The following BCKDHB variants were observed in gnomAD, a reference collection of about 807,000 sequenced individuals.
BCKDHB encodes 2-oxoisovalerate dehydrogenase subunit beta, mitochondrial.
In BCKDHB, 41 loss-of-function variants were observed where a neutral mutation model predicts 48.5. That is an observed-to-expected ratio of 0.85 (90% CI 0.66 to 1.10). The LOEUF is 1.10. Ranked by LOEUF, BCKDHB falls within the 50% of genes least tolerant of loss-of-function variation. The probability of loss-of-function intolerance (pLI) is 0.00; values close to 1 mark genes in which losing one functional copy is unlikely to be tolerated. For missense variants in BCKDHB, 496 were observed against 494.2 expected (o/e 1.00, Z -0.03); for synonymous variants, 201 against 174.8 (o/e 1.15, Z -1.18).
the BCKDHB span, among the ~76,000 whole-genome samples, chr6:80,394,067 C>T: frequency 6.6e-6 from 1 of 151,992 alleles, no homozygotes; most frequent in Non-Finnish European, 1.5e-5. Flanking sequence ...TTGAGAAATC[C>T]TCTATTCATT....
the BCKDHB span, chr6:80,356,942 C>T: frequency 1.8e-5 from 1 of 54,454 alleles, no homozygotes; most frequent in Non-Finnish European, 4.1e-5. Flanking sequence ...TCTCCCCCGC[C>T]CCCGCCCCCG....
the BCKDHB span, among the ~76,000 whole-genome samples, chr6:80,449,858 G>A: frequency 6.6e-6 from 1 of 152,074 alleles, no homozygotes; most frequent in Non-Finnish European, 1.5e-5. Flanking sequence ...AGTTCATATT[G>A]AAATATTTAA....
chr6:80,339,894 A>G (rs961115200), intron 9 of BCKDHB, among the ~76,000 whole-genome samples: 1 of 152,166 alleles, frequency 6.6e-6, no homozygotes, highest in Admixed American at 6.6e-5. Flanking sequence ...TAAAATTTGC[A>G]GAAGAGTGAC....
At chr6:80,412,664 C>T in the BCKDHB span, among the ~76,000 whole-genome samples, 1 of 152,258 alleles carries the variant, frequency 6.6e-6, no homozygotes, top group East Asian at 1.9e-4. Context: ...TGTTCTTTAG[C>T]TTTAACTTGA....
At chr6:80,347,014 A>G (rs1256213592), downstream of BCKDHB, among the ~76,000 whole-genome samples, 1 of 149,696 alleles carries the variant, frequency 6.7e-6, no homozygotes. Flanking sequence ...AAAAAAAAAA[A>G]GAACACTTTT....
At chr6:80,244,462 G>GA (rs1248213706) in intron 8 of BCKDHB, among the ~76,000 whole-genome samples, 1 of 152,012 alleles carries the variant, frequency 6.6e-6, no homozygotes, top group African/African-American at 2.4e-5. Flanking sequence ...TTAATTATAA[G>GA]AAAAAAATAA....
the BCKDHB span, among the ~76,000 whole-genome samples, chr6:80,410,149 C>CA: frequency 1.1e-4 from 17 of 152,222 alleles, no homozygotes; most frequent in South Asian, 3.5e-3. Flanking sequence ...CTGGTGGTGA[C>CA]AAAATCTCTC....
At chr6:80,228,255 A>T (rs1229320829) in intron 8 of BCKDHB, among the ~76,000 whole-genome samples, 2 of 152,086 alleles carry the variant, frequency 1.3e-5, no homozygotes, top group African/African-American at 2.4e-5. Context: ...GATTTCTGGG[A>T]TTTCTTAGAA....
At chr6:80,156,776 CA>C (rs1582251243) in intron 3 of BCKDHB, among the ~76,000 whole-genome samples, 1 of 152,162 alleles carries the variant, frequency 6.6e-6, no homozygotes, top group East Asian at 1.9e-4. Flanking sequence ...AAAGTAAAAA[CA>C]AAAACAGAAA....
chr6:80,232,093 A>G (rs1330051124), intron 8 of BCKDHB, among the ~76,000 whole-genome samples: 1 of 152,208 alleles, frequency 6.6e-6, no homozygotes, highest in African/African-American at 2.4e-5. Flanking sequence ...CTTTTGGTGT[A>G]GGTTATAATA....
chr6:80,331,679 G>A (rs1430748308), intron 9 of BCKDHB, among the ~76,000 whole-genome samples: 1 of 152,190 alleles, frequency 6.6e-6, no homozygotes, highest in Non-Finnish European at 1.5e-5. Context: ...TCACAGCGCA[G>A]GTTGATGTGT....
At chr6:80,315,535 GCTCT>G (rs1768400343) in intron 9 of BCKDHB, among the ~76,000 whole-genome samples, 1 of 151,608 alleles carries the variant, frequency 6.6e-6, no homozygotes, top group African/African-American at 2.4e-5. Context: ...CCCTTTTGTT[GCTCT>G]CTGTGAGTGC....
chr6:80,296,991 T>G (rs992430299), intron 9 of BCKDHB, among the ~76,000 whole-genome samples: 1 of 152,242 alleles, frequency 6.6e-6, no homozygotes, highest in Non-Finnish European at 1.5e-5. Flanking sequence ...TTATGTGTTA[T>G]AGCGTTAACT....
chr6:80,234,968 T>C (rs1444964504), intron 8 of BCKDHB, among the ~76,000 whole-genome samples: 3 of 152,134 alleles, frequency 2.0e-5, no homozygotes, highest in Admixed American at 1.3e-4. Context: ...AAAAATGATC[T>C]TATGGAGCTA....
At chr6:80,393,108 C>A in the BCKDHB span, among the ~76,000 whole-genome samples, 1 of 151,978 alleles carries the variant, frequency 6.6e-6, no homozygotes, top group South Asian at 2.1e-4. Context: ...AGCTAGAGTT[C>A]CCTCATGAGC....
chr6:80,200,805 A>G (rs2127822833), intron 6 of BCKDHB, 129 bp from the exon 7 acceptor site: 1 of 720,840 alleles, frequency 1.4e-6, no homozygotes, highest in East Asian at 2.7e-5. Flanking sequence ...TTCTGTTTTA[A>G]GTAATACAGA....
chr6:80,129,676 T>C (rs192002567), intron 3 of BCKDHB, among the ~76,000 whole-genome samples: 1 of 152,068 alleles, frequency 6.6e-6, no homozygotes, highest in Non-Finnish European at 1.5e-5. Flanking sequence ...GTGAGTTTAG[T>C]TTTAAGGAAC....
chr6:80,407,705 G>C, the BCKDHB span, among the ~76,000 whole-genome samples: 1 of 152,146 alleles, frequency 6.6e-6, no homozygotes, highest in Non-Finnish European at 1.5e-5. Context: ...CATTGATTTT[G>C]TATCCTGAGA....
chr6:80,106,966 G>A (rs1769104843), intron 1 of BCKDHB, 77 bp downstream of exon 1: 3 of 1,519,886 alleles, frequency 2.0e-6, no homozygotes, highest in East Asian at 4.9e-5. Flanking sequence ...AGGGGCAGGG[G>A]CCGGCAGGCT....
Sources: allele counts gnomAD v4.1 joint callset (sites outside exome capture counted in the v4.1 genomes callset), GRCh38; gene constraint gnomAD v4.1.1; transcripts MANE v1.5; gene names NCBI Gene and HGNC (gene_info 2026-07-23, HGNC 2026-07-21).